Variants in ATRX observed in about 807,000 individuals in gnomAD.
The protein encoded by ATRX is ATRX chromatin remodeler, also known as chromatin remodeler ATRX.
Under a neutral mutation model 172.6 loss-of-function variants are expected in ATRX, and 12 were observed. That is an observed-to-expected ratio of 0.07 (90% CI 0.04 to 0.11). The LOEUF (loss-of-function observed/expected upper bound fraction) is 0.11, where lower values mean the gene tolerates loss of function less well. Ranked by LOEUF, ATRX falls within the 10% of genes least tolerant of loss-of-function variation. ATRX has a pLI of 1.00. For missense variants in ATRX, 1,368 were observed against 1,767.4 expected, an observed-to-expected ratio of 0.77 and a Z score of 4.05; for synonymous variants, 674 against 594.7, an observed-to-expected ratio of 1.13 and a Z score of -1.94.
chrX:77,574,094 A>C (rs1193852390), intron 28 of ATRX, among the ~76,000 whole-genome samples, 156 bp downstream of exon 28: 2 of 111,859 alleles, frequency 1.8e-5, no homozygotes, highest in African/African-American at 3.2e-5. Flanking sequence ...TCCATAAGTG[A>C]ATTCAGTGGT....
At chrX:77,701,649 C>G (rs782657238) in intron 2 of ATRX, among the ~76,000 whole-genome samples, 3 of 111,427 alleles carry the variant, frequency 2.7e-5, no homozygotes, top group Non-Finnish European at 5.6e-5. Flanking sequence ...AGATCAGGAA[C>G]AAGGCAAGGA....
intron 15 of ATRX, among the ~76,000 whole-genome samples, chrX:77,637,419 G>C (rs2068436443): frequency 9.0e-6 from 1 of 110,936 alleles, no homozygotes. Flanking sequence ...ATAGGTACAA[G>C]TATTACCATT....
chrX:77,554,583 C>T (rs1334864096), intron 30 of ATRX, among the ~76,000 whole-genome samples: 1 of 111,911 alleles, frequency 8.9e-6, no homozygotes, highest in African/African-American at 3.2e-5. Flanking sequence ...ATCCCTTAAG[C>T]CTGGTACATA....
chrX:77,687,362 C>G (rs781913052), intron 7 of ATRX, among the ~76,000 whole-genome samples: 13 of 110,614 alleles, frequency 1.2e-4, no homozygotes, highest in Non-Finnish European at 2.3e-4. Context: ...ACCTACCATG[C>G]AAGGTAGGAC....
intron 30 of ATRX, among the ~76,000 whole-genome samples, chrX:77,543,611 T>C (rs1255597822): frequency 8.9e-6 from 1 of 111,902 alleles, no homozygotes; most frequent in Non-Finnish European, 1.9e-5. Context: ...ATATACACCA[T>C]GGAATACTAT....
At chrX:77,583,205 T>C (rs190976674) in intron 27 of ATRX, among the ~76,000 whole-genome samples, 2 of 111,443 alleles carry the variant, frequency 1.8e-5, no homozygotes, top group Admixed American at 9.5e-5. Context: ...ATGTGATACA[T>C]CATATCAACA....
intron 14 of ATRX, 64 bp from the exon 15 acceptor site, chrX:77,652,417 C>G (rs1406119971): frequency 2.7e-6 from 3 of 1,102,822 alleles, no homozygotes; most frequent in Non-Finnish European, 3.7e-6. Context: ...ATTTCATATT[C>G]CATTAATTAA....
At chrX:77,556,561 T>C (rs781822011) in intron 30 of ATRX, among the ~76,000 whole-genome samples, 1 of 111,267 alleles carries the variant, frequency 9.0e-6, no homozygotes, top group African/African-American at 3.3e-5. Context: ...CAGGCCTTTG[T>C]AAACCTTAAA....
intron 1 of ATRX, among the ~76,000 whole-genome samples, chrX:77,717,865 C>T (rs2073526303): frequency 9.0e-6 from 1 of 111,065 alleles, no homozygotes; most frequent in African/African-American, 3.3e-5. Flanking sequence ...CTACCTACCA[C>T]AAAAGAATTT....
At chrX:77,688,676 C>T (rs782591555) in intron 7 of ATRX, 142 bp downstream of exon 7, 68 of 497,951 alleles carry the variant, frequency 1.4e-4, no homozygotes, top group Non-Finnish European at 2.1e-4. Context: ...AGGCTTTGTA[C>T]GTCTATTTTC....
chrX:77,750,506 A>G (rs1434083294), intron 1 of ATRX, among the ~76,000 whole-genome samples: 1 of 111,318 alleles, frequency 9.0e-6, no homozygotes, highest in African/African-American at 3.3e-5. Flanking sequence ...TAACGCGCAT[A>G]GTAACTTCCA....
At chrX:77,632,149 C>T (rs1354583821) in intron 19 of ATRX, among the ~76,000 whole-genome samples, 2 of 110,959 alleles carry the variant, frequency 1.8e-5, no homozygotes, top group Non-Finnish European at 3.8e-5. Context: ...CAGGAGTGCA[C>T]CACCATGCCC....
chrX:77,767,689 C>T (rs1176151869), intron 1 of ATRX, among the ~76,000 whole-genome samples: 1 of 111,401 alleles, frequency 9.0e-6, no homozygotes, highest in Non-Finnish European at 1.9e-5. Flanking sequence ...GCCCCAGTGC[C>T]CAGCCCCAAC....
At chrX:77,670,317 G>A (rs1382112175) in intron 10 of ATRX, among the ~76,000 whole-genome samples, 1 of 111,863 alleles carries the variant, frequency 8.9e-6, no homozygotes, top group Non-Finnish European at 1.9e-5. Context: ...CTAAGTATAT[G>A]TAGTACTAAA....
chrX:77,588,407 CA>C (rs1288341307), intron 27 of ATRX, among the ~76,000 whole-genome samples: 1 of 111,564 alleles, frequency 9.0e-6, no homozygotes, highest in African/African-American at 3.3e-5. Flanking sequence ...GCACAAGCAA[CA>C]AAAGAAAAAA....
At chrX:77,746,792 T>A (rs2075094080) in intron 1 of ATRX, among the ~76,000 whole-genome samples, 1 of 111,632 alleles carries the variant, frequency 9.0e-6, no homozygotes, top group African/African-American at 3.3e-5. Flanking sequence ...TAATTGTACA[T>A]GATTTTTTGA....
At chrX:77,552,489 C>T (rs1312606889) in intron 30 of ATRX, among the ~76,000 whole-genome samples, 5 of 104,270 alleles carry the variant, frequency 4.8e-5, no homozygotes, top group African/African-American at 1.4e-4. Context: ...GGAGGGATAG[C>T]ATTAGGAGAT....
intron 4 of ATRX, among the ~76,000 whole-genome samples, chrX:77,697,008 A>T (rs782007521): frequency 8.9e-6 from 1 of 112,129 alleles, no homozygotes; most frequent in East Asian, 2.8e-4. Context: ...TTTAAGAGAC[A>T]TTCCCACTGG....
chrX:77,700,751 C>T (rs1482340617), intron 2 of ATRX, among the ~76,000 whole-genome samples: 2 of 111,853 alleles, frequency 1.8e-5, no homozygotes, highest in Non-Finnish European at 3.8e-5. Flanking sequence ...ATGGAGGAAA[C>T]AAATGCAGAT....
Sources: allele counts gnomAD v4.1 joint callset (sites outside exome capture counted in the v4.1 genomes callset), GRCh38; gene constraint gnomAD v4.1.1; transcripts MANE v1.5; gene names NCBI Gene and HGNC (gene_info 2026-07-23, HGNC 2026-07-21).